The following CNTN5 variants were observed in gnomAD, a reference collection of about 807,000 sequenced individuals.
CNTN5 encodes the protein contactin-5.
Under a neutral mutation model 129.1 loss-of-function variants are expected in CNTN5, and 77 were observed. The ratio of observed to expected loss-of-function variants is 0.60; its 90% CI spans 0.50 to 0.72. The LOEUF (loss-of-function observed/expected upper bound fraction) is 0.72, where lower values mean the gene tolerates loss of function less well. CNTN5 is among the 30% of genes least tolerant of loss of function. The pLI, the probability that CNTN5 is intolerant of heterozygous loss-of-function variation, is 0.00. For missense variants in CNTN5, 1,478 were observed against 1,328.8 expected (o/e 1.11, Z -1.75); for synonymous variants, 509 against 465.6 (o/e 1.09, Z -1.20).
chr11:100,289,270 T>G (rs1565403506), intron 18 of CNTN5, among the ~76,000 whole-genome samples: 1 of 152,136 alleles, frequency 6.6e-6, no homozygotes, highest in Non-Finnish European at 1.5e-5. Flanking sequence ...GAGGGCAGCA[T>G]CATCCTGATA....
At chr11:99,465,674 A>C (rs571728622) in intron 2 of CNTN5, among the ~76,000 whole-genome samples, 2 of 151,940 alleles carry the variant, frequency 1.3e-5, no homozygotes, top group African/African-American at 4.8e-5. Context: ...GTTCTTAGAT[A>C]GCTAAAAAGA....
At chr11:100,262,934 A>G (rs1950233570) in intron 17 of CNTN5, among the ~76,000 whole-genome samples, 1 of 152,188 alleles carries the variant, frequency 6.6e-6, no homozygotes, top group Non-Finnish European at 1.5e-5. Context: ...AACTTAAAGT[A>G]TAATAAAAAA....
intron 2 of CNTN5, among the ~76,000 whole-genome samples, chr11:99,458,062 C>T (rs997046807): frequency 6.6e-6 from 1 of 151,764 alleles, no homozygotes; most frequent in African/African-American, 2.4e-5. Context: ...AAACTATATA[C>T]ATTTATATTT....
intron 7 of CNTN5, among the ~76,000 whole-genome samples, chr11:99,951,077 A>C (rs1950662481): frequency 6.6e-6 from 1 of 152,192 alleles, no homozygotes; most frequent in South Asian, 2.1e-4. Flanking sequence ...TAGTTTACAG[A>C]TGAGAAGATT....
chr11:99,463,744 A>T (rs1003368553), intron 2 of CNTN5, among the ~76,000 whole-genome samples: 1 of 140,640 alleles, frequency 7.1e-6, no homozygotes, highest in African/African-American at 2.7e-5. Context: ...ATCTGAAATG[A>T]AAAATGCAAA....
chr11:100,188,490 G>T (rs1158991516), intron 13 of CNTN5, among the ~76,000 whole-genome samples: 3 of 152,056 alleles, frequency 2.0e-5, no homozygotes, highest in Admixed American at 6.6e-5. Context: ...ACGAAAAAAT[G>T]ATCCACATTA....
At chr11:99,580,453 C>T (rs1949536526) in intron 3 of CNTN5, among the ~76,000 whole-genome samples, 1 of 152,154 alleles carries the variant, frequency 6.6e-6, no homozygotes, top group African/African-American at 2.4e-5. Flanking sequence ...GTGAATCCAT[C>T]TGGTCCTGGA....
chr11:99,214,129 A>G (rs1859987185), intron 1 of CNTN5, among the ~76,000 whole-genome samples: 1 of 152,094 alleles, frequency 6.6e-6, no homozygotes, highest in South Asian at 2.1e-4. Context: ...GAAAGTGACA[A>G]TGAAAGAAAG....
At chr11:100,074,646 G>T (rs1355999170) in intron 13 of CNTN5, among the ~76,000 whole-genome samples, 1 of 152,050 alleles carries the variant, frequency 6.6e-6, no homozygotes, top group Non-Finnish European at 1.5e-5. Context: ...GTTTTAATTT[G>T]ATTTTAATAC....
At chr11:100,220,979 GGCTGCACTA>G (rs1228047204) in intron 15 of CNTN5, among the ~76,000 whole-genome samples, 19 of 152,294 alleles carry the variant, frequency 1.2e-4, no homozygotes, top group Non-Finnish European at 2.8e-4. Context: ...AATGATCCTT[GGCTGCACTA>G]GTGCTAGCTC....
intron 1 of CNTN5, among the ~76,000 whole-genome samples, chr11:99,050,217 A>T (rs1864372088): frequency 6.6e-6 from 1 of 152,088 alleles, no homozygotes; most frequent in South Asian, 2.1e-4. Flanking sequence ...ATTGACTGAC[A>T]CTTCAGTAGA....
intron 2 of CNTN5, among the ~76,000 whole-genome samples, chr11:99,421,469 C>T (rs540046652): frequency 3.3e-5 from 5 of 152,218 alleles, no homozygotes; most frequent in South Asian, 2.1e-4. Context: ...ATTTGCTCTT[C>T]GTCGCTGTTG....
Position 99,059,025 on chromosome 11 carries a change from T to C in CNTN5, c.-210+37755T>C, listed in dbSNP as rs561854769. 3.3e-5 allele frequency among the ~76,000 whole-genome samples: 5 copies of C among 149,684 alleles called. No individual in the cohort carries two copies. The East Asian group carries it at 9.8e-4, about 29-fold the overall frequency. On this transcript the variant is annotated intron_variant, in intron 1 of 24. Coordinates refer to ENST00000524871, the MANE Select transcript of CNTN5 (RefSeq NM_014361.4). The stretch of plus-strand genomic sequence containing the variant: ...ATAACTTGATTAATAAAGGAAAGCA[T>C]ATTATCCCTCCCTCCCTCCCTCCTT...
chr11:99,743,891 T>C (rs894790064), intron 3 of CNTN5, among the ~76,000 whole-genome samples: 4 of 152,184 alleles, frequency 2.6e-5, no homozygotes, highest in African/African-American at 7.2e-5. Context: ...TCTCATCTTA[T>C]TACTTAAACC....
chr11:99,240,093 A>G (rs1861474310), intron 1 of CNTN5, among the ~76,000 whole-genome samples: 1 of 152,204 alleles, frequency 6.6e-6, no homozygotes, highest in South Asian at 2.1e-4. Flanking sequence ...TAAAGTTGAC[A>G]TTTAATGTAA....
chr11:100,146,304 A>G (rs1017775946), intron 13 of CNTN5, among the ~76,000 whole-genome samples: 2 of 152,192 alleles, frequency 1.3e-5, no homozygotes, highest in Non-Finnish European at 2.9e-5. Flanking sequence ...TTGGAATCAT[A>G]CAAGATCTTT....
At chr11:99,526,447 C>T (rs1947488716) in intron 2 of CNTN5, among the ~76,000 whole-genome samples, 1 of 152,148 alleles carries the variant, frequency 6.6e-6, no homozygotes, top group Non-Finnish European at 1.5e-5. Flanking sequence ...ACTGGCTTTA[C>T]AAAGAGATGA....
intron 16 of CNTN5, among the ~76,000 whole-genome samples, chr11:100,244,148 T>C (rs777604864): frequency 1.7e-4 from 26 of 152,208 alleles, no homozygotes; most frequent in Non-Finnish European, 2.8e-4. Context: ...CTTAACCAAC[T>C]TTCCTACACC....
chr11:99,647,798 T>G (rs2458168), intron 3 of CNTN5, among the ~76,000 whole-genome samples: 89,359 of 150,462 alleles, frequency 0.59, 27,287 homozygotes, highest in Admixed American at 0.69. Context: ...ATTTTTTTTT[T>G]GTATCTATAC....
Sources: gnomAD v4.1 joint callset for allele counts (sites outside exome capture counted in the v4.1 genomes callset) on GRCh38, gnomAD v4.1.1 for gene constraint, MANE v1.5 for transcripts, NCBI Gene and HGNC (gene_info 2026-07-23, HGNC 2026-07-21) for gene names.